The following SOD2 variants were observed in gnomAD, a reference collection of about 807,000 sequenced individuals.
SOD2 encodes the protein superoxide dismutase [Mn], mitochondrial.
SOD2 carries 11 observed loss-of-function variants against 27.0 expected under a neutral mutation model. The ratio of observed to expected loss-of-function variants is 0.41; its 90% confidence interval spans 0.26 to 0.67. The LOEUF is 0.67. SOD2 is among the 30% of genes least tolerant of loss of function. The probability of loss-of-function intolerance (pLI) is 0.34; values close to 1 mark genes in which losing one functional copy is unlikely to be tolerated. For synonymous variants in SOD2, 105 were observed against 103.0 expected (o/e 1.02, Z -0.12); for missense variants, 250 against 274.5 (o/e 0.91, Z 0.63).
At position 159,677,427 on chromosome 6, in the gene SOD2, T is replaced by C. The variant is rs1230677348; in HGVS notation, c.*5066A>G. 6.6e-6 allele frequency: 1 copy of C among 152,208 alleles called. No individual in the cohort carries two copies. Among genetic ancestry groups the C allele is most frequent in the Non-Finnish European group, 1.5e-5 (1 of 68,042 alleles). The allele number at this position is 152,208 out of a possible 1,614,324, so 9.4% of individuals were successfully genotyped here. On this transcript the variant is annotated 3_prime_UTR_variant, in exon 5 of 5. Coordinates refer to ENST00000538183, the MANE Select transcript of SOD2 (RefSeq NM_000636.4). Reference sequence around the variant, plus strand: ...ACAGGTCATGCCAACTTCACATCCCTTTCCAAATAGTATGCCAGTACTATA... The same window carrying C: ...ACAGGTCATGCCAACTTCACATCCCCTTCCAAATAGTATGCCAGTACTATA...
chr6:159,745,818 T>G (rs1030614869), upstream of SOD2, among the ~76,000 whole-genome samples: 1 of 152,142 alleles, frequency 6.6e-6, no homozygotes, highest in Non-Finnish European at 1.5e-5. Flanking sequence ...ATAGTTCAGA[T>G]GAAATACATG....
chr6:159,727,747 G>A, upstream of SOD2: 1 of 983,910 alleles, frequency 1.0e-6, no homozygotes, highest in Non-Finnish European at 1.2e-6. Flanking sequence ...GGGGACCTCC[G>A]GGGCCTGAGG....
intron 1 of SOD2, among the ~76,000 whole-genome samples, chr6:159,700,282 C>T (rs1006223407): frequency 1.3e-5 from 2 of 152,150 alleles, no homozygotes; most frequent in African/African-American, 4.8e-5. Flanking sequence ...TTAGAGACAA[C>T]ACATTACTAG....
At chr6:159,753,144 T>C (rs548206443) in intron 1 of SOD2, among the ~76,000 whole-genome samples, 3 of 152,232 alleles carry the variant, frequency 2.0e-5, no homozygotes, top group African/African-American at 7.2e-5. Context: ...TGTGTGTTAA[T>C]TAACTGGCTC....
upstream of SOD2, among the ~76,000 whole-genome samples, chr6:159,693,524 G>A (rs1777345271): frequency 6.6e-6 from 1 of 152,162 alleles, no homozygotes; most frequent in Admixed American, 6.5e-5. Flanking sequence ...GCCGAAGGGA[G>A]GCGGCCCCTG....
chr6:159,726,972 G>A (rs1412348720), intron 1 of SOD2: 4 of 1,282,360 alleles, frequency 3.1e-6, no homozygotes, highest in South Asian at 1.2e-5. Context: ...ACACAGAGCG[G>A]CCAATCACGC....
chr6:159,719,986 A>G (rs917247962), intron 1 of SOD2, among the ~76,000 whole-genome samples: 1 of 149,366 alleles, frequency 6.7e-6, no homozygotes, highest in African/African-American at 2.5e-5. Flanking sequence ...GGTCTCCCAA[A>G]GTCCTGGGAT....
At chr6:159,687,831 T>C (rs1234949526) in intron 3 of SOD2, among the ~76,000 whole-genome samples, 1 of 151,826 alleles carries the variant, frequency 6.6e-6, no homozygotes, top group African/African-American at 2.4e-5. Flanking sequence ...ACATGGTGAA[T>C]GAAACCTCAT....
chr6:159,700,233 G>A (rs924402545), intron 1 of SOD2, among the ~76,000 whole-genome samples: 3 of 152,176 alleles, frequency 2.0e-5, no homozygotes, highest in African/African-American at 7.2e-5. Flanking sequence ...GTTTCCAGGT[G>A]TCTTTAAATG....
intron 2 of SOD2, chr6:159,691,921 G>A (rs1777218687): frequency 1.3e-5 from 2 of 152,078 alleles, no homozygotes; most frequent in African/African-American, 4.8e-5. Flanking sequence ...TGCTTTTTTG[G>A]TAACGCACAC....
chr6:159,706,168 A>G (rs1777622852), intron 1 of SOD2, among the ~76,000 whole-genome samples: 1 of 152,252 alleles, frequency 6.6e-6, no homozygotes, highest in Admixed American at 6.5e-5. Context: ...AAAACATGCC[A>G]AATTGTAAAG....
At chr6:159,700,383 G>A (rs1362265359) in intron 1 of SOD2, among the ~76,000 whole-genome samples, 2 of 152,122 alleles carry the variant, frequency 1.3e-5, no homozygotes, top group African/African-American at 2.4e-5. Flanking sequence ...GGCCAGGCGC[G>A]GTGGCTCACG....
At chr6:159,717,897 ATGTG>A (rs66742481) in intron 1 of SOD2, among the ~76,000 whole-genome samples, 2,776 of 149,360 alleles carry the variant, frequency 0.019, 47 homozygotes, top group East Asian at 0.058. Flanking sequence ...ATGTATGGAT[ATGTG>A]TGTGTGTGTG....
rs753223739 is a variant in SOD2 at position 159,692,819 on chromosome 6, C to T, written c.68G>A (p.Arg23Lys). The T allele has an allele frequency of 5.0e-6, 8 of 1,613,654 alleles. No individual in the cohort carries two copies. Among genetic ancestry groups the T allele is most frequent in the Non-Finnish European group, 6.8e-6 (8 of 1,179,932 alleles). ...LAPVLGYLGS[R>K]QKHSLPDLPY... ...CAGGTCGGGGAGGCTGTGCTTCTGC[C>T]TGGAGCCCAGATACCCCAAAACCGG... The change falls in exon 2 of 5, where the codon AGG becomes AAG. Residue 23 changes from arginine (R) to lysine (K), a missense_variant. Transcript: ENST00000538183.
chr6:159,709,399 A>T (rs968261075), intron 1 of SOD2, among the ~76,000 whole-genome samples: 5 of 152,124 alleles, frequency 3.3e-5, no homozygotes, highest in Non-Finnish European at 7.4e-5. Flanking sequence ...GAATCTACAA[A>T]GAACTCAAAC....
chr6:159,726,785 G>T, intron 1 of SOD2: 2 of 1,289,136 alleles, frequency 1.6e-6, no homozygotes, highest in Non-Finnish European at 2.0e-6. Flanking sequence ...CGAACCCAGC[G>T]GCCAGGAGAC....
chr6:159,734,427 CTAG>C (rs1013824219), intron 1 of SOD2, among the ~76,000 whole-genome samples: 1 of 150,948 alleles, frequency 6.6e-6, no homozygotes, highest in African/African-American at 2.4e-5. Context: ...GGTCAAATTT[CTAG>C]TAGTTTAGAA....
In SOD2 at chr6:159,737,595, G is replaced by A. The variant is rs138215315; in HGVS notation, c.-116+7535C>T. ...TGTGGCCTCATACCCCAGCTTATGCGATCCTCCCACCTTTGCCCCCCAAAG... is the reference window on the plus strand; with the variant it reads ...TGTGGCCTCATACCCCAGCTTATGCAATCCTCCCACCTTTGCCCCCCAAAG... On this transcript the variant is annotated intron_variant, in intron 1 of 3. Transcript: ENST00000537657. Among the ~76,000 whole-genome samples the A allele has an allele frequency of 5.2e-3, 790 of 152,000 alleles. 5 individuals are homozygous for A. The highest frequency in any genetic ancestry group is 0.018 in the African/African-American group (748 of 41,444).
intron 1 of SOD2, chr6:159,736,171 ATTG>A: frequency 7.8e-7 from 1 of 1,288,738 alleles, no homozygotes; most frequent in African/African-American, 1.5e-5. Context: ...TCACTAATAA[ATTG>A]ATTTGAAAGA....
Sources: allele counts gnomAD v4.1 joint callset (sites outside exome capture counted in the v4.1 genomes callset), GRCh38; gene constraint gnomAD v4.1.1; transcripts MANE v1.5; gene names NCBI Gene and HGNC (gene_info 2026-07-23, HGNC 2026-07-21).